The following SCML2 variants were observed in gnomAD, a reference collection of about 807,000 sequenced individuals.
The protein encoded by SCML2 is sex comb on midleg-like protein 2.
In SCML2, 6 loss-of-function variants were observed where a neutral mutation model predicts 48.4. The observed-to-expected ratio is 0.12, with a 90% CI of 0.07 to 0.24. The LOEUF (loss-of-function observed/expected upper bound fraction) is 0.24, where lower values mean the gene tolerates loss of function less well. SCML2 is among the 10% of genes least tolerant of loss of function. The probability of loss-of-function intolerance (pLI) is 1.00; values close to 1 mark genes in which losing one functional copy is unlikely to be tolerated. For synonymous variants in SCML2, 181 were observed against 189.5 expected (o/e 0.95, Z 0.37); for missense variants, 377 against 528.2 (o/e 0.71, Z 2.81).
At chrX:18,328,647 G>C (rs753983824) in intron 3 of SCML2, among the ~76,000 whole-genome samples, 23 of 112,106 alleles carry the variant, frequency 2.1e-4, no homozygotes, top group African/African-American at 7.1e-4. Context: ...ACTCTGGCCT[G>C]CATGACAGAG....
intron 11 of SCML2, among the ~76,000 whole-genome samples, chrX:18,248,224 G>C (rs1602073087): frequency 1.8e-5 from 2 of 111,768 alleles, no homozygotes; most frequent in South Asian, 7.5e-4. Context: ...CCATGAGCCA[G>C]AGGAGTTAAA....
chrX:18,351,256 C>G (rs1180814989), intron 1 of SCML2, among the ~76,000 whole-genome samples: 1 of 105,979 alleles, frequency 9.4e-6, no homozygotes, highest in Non-Finnish European at 1.9e-5. Context: ...GGCAACACAG[C>G]GAGAGCCCAT....
chrX:18,271,723 C>T (rs929397399), intron 7 of SCML2, among the ~76,000 whole-genome samples: 1 of 108,015 alleles, frequency 9.3e-6, no homozygotes, highest in Non-Finnish European at 1.9e-5. Flanking sequence ...ATACTATGTA[C>T]GAATTTTTTT....
intron 11 of SCML2, among the ~76,000 whole-genome samples, chrX:18,250,520 T>G (rs1926614667): frequency 9.1e-6 from 1 of 109,966 alleles, no homozygotes; most frequent in Non-Finnish European, 1.9e-5. Flanking sequence ...TAGCTGGGAC[T>G]ACAGGCACCC....
At chrX:18,328,004 C>T (rs925236525) in intron 3 of SCML2, among the ~76,000 whole-genome samples, 1 of 111,708 alleles carries the variant, frequency 9.0e-6, no homozygotes, top group South Asian at 3.8e-4. Context: ...GGGATGGGGG[C>T]AGTATTCTAT....
chrX:18,248,813 A>C (rs927310990), intron 11 of SCML2, among the ~76,000 whole-genome samples: 1 of 112,512 alleles, frequency 8.9e-6, no homozygotes, highest in African/African-American at 3.2e-5. Context: ...TTCGAGTTCT[A>C]AAATATAGTT....
chrX:18,276,478 G>A (rs1260106965), intron 7 of SCML2, among the ~76,000 whole-genome samples: 2 of 110,817 alleles, frequency 1.8e-5, no homozygotes, highest in African/African-American at 6.6e-5. Flanking sequence ...GTGTATGTAT[G>A]TATTGACATA....
rs1209369555 is a variant in SCML2, at chrX:18,333,310, C to G, written c.22+740G>C. Among the ~76,000 whole-genome samples the G allele has an allele frequency of 3.1e-4, 35 of 111,189 alleles. 1 individual carries two copies. ...ATAAAAATAAAAATTTAAAAAAAGA[C>G]AGAGAGAGATAACTAGATATTAGGA... On this transcript the variant is annotated intron_variant, in intron 2 of 14. Transcript: ENST00000251900.
intron 8 of SCML2, among the ~76,000 whole-genome samples, chrX:18,265,162 T>C (rs1464704909): frequency 4.5e-5 from 5 of 112,083 alleles, no homozygotes; most frequent in Middle Eastern, 4.6e-3. Flanking sequence ...TTCAGGTTGT[T>C]GCTTTTTCTA....
intron 3 of SCML2, 83 bp downstream of exon 3, chrX:18,330,504 C>T: frequency 3.8e-6 from 2 of 532,056 alleles, no homozygotes. Flanking sequence ...GAAATCAAAA[C>T]AATAAGAAAA....
intron 1 of SCML2, among the ~76,000 whole-genome samples, chrX:18,351,283 C>T (rs924292211): frequency 9.3e-6 from 1 of 107,652 alleles, no homozygotes; most frequent in Non-Finnish European, 1.9e-5. Context: ...AAAAAAAAAA[C>T]ATCACCAACA....
chrX:18,328,138 T>C (rs1334984952), intron 3 of SCML2, among the ~76,000 whole-genome samples: 1 of 111,545 alleles, frequency 9.0e-6, no homozygotes, highest in Non-Finnish European at 1.9e-5. Flanking sequence ...GTCTACACAT[T>C]AGCTCCAACA....
At chrX:18,316,550 AAG>A (rs760412840) in intron 6 of SCML2, among the ~76,000 whole-genome samples, 55 of 112,349 alleles carry the variant, frequency 4.9e-4, no homozygotes, top group Admixed American at 4.1e-3. Context: ...CCTCCAAAAA[AAG>A]AGTCATGAAA....
intron 7 of SCML2, among the ~76,000 whole-genome samples, chrX:18,292,744 G>A (rs752186896): frequency 9.0e-6 from 1 of 110,767 alleles, no homozygotes; most frequent in Non-Finnish European, 1.9e-5. Context: ...TAGCCTTCCA[G>A]ATTTTTTTTA....
chrX:18,338,336 C>T (rs189185464), intron 1 of SCML2, among the ~76,000 whole-genome samples: 331 of 106,384 alleles, frequency 3.1e-3, no homozygotes, highest in African/African-American at 0.011. Context: ...CCCAGGTACT[C>T]GGGAGGCTGA....
At chrX:18,313,284 A>G (rs1365065554) in intron 6 of SCML2, among the ~76,000 whole-genome samples, 2 of 110,112 alleles carry the variant, frequency 1.8e-5, no homozygotes, top group African/African-American at 3.3e-5. Context: ...GACCCGGGGG[A>G]GGTAATTGAA....
chrX:18,291,596 G>C (rs1375215726), intron 7 of SCML2, among the ~76,000 whole-genome samples: 1 of 111,477 alleles, frequency 9.0e-6, no homozygotes, highest in African/African-American at 3.2e-5. Flanking sequence ...TAAGAAACTA[G>C]GCAACTGTAT....
At chrX:18,335,766 T>G (rs1387940626) in intron 1 of SCML2, among the ~76,000 whole-genome samples, 1 of 111,588 alleles carries the variant, frequency 9.0e-6, no homozygotes, top group Non-Finnish European at 1.9e-5. Context: ...ATCACCATAT[T>G]CACAAGCTGG....
At chrX:18,257,831 T>C (rs12559829) in intron 10 of SCML2, among the ~76,000 whole-genome samples, 4 of 99,159 alleles carry the variant, frequency 4.0e-5, no homozygotes, top group Admixed American at 3.6e-4. Context: ...GAGGCTGCAG[T>C]GAGCCAAGAT....
Sources: gnomAD v4.1 joint callset for allele counts (sites outside exome capture counted in the v4.1 genomes callset) on GRCh38, gnomAD v4.1.1 for gene constraint, MANE v1.5 for transcripts, NCBI Gene and HGNC (gene_info 2026-07-23, HGNC 2026-07-21) for gene names.